The following LARGE1 variants were observed in gnomAD, a reference collection of about 807,000 sequenced individuals.
The protein encoded by LARGE1 is LARGE xylosyl- and glucuronyltransferase 1.
In LARGE1, 43 loss-of-function variants were observed where a neutral mutation model predicts 87.6. That is an observed-to-expected ratio of 0.49 (90% CI 0.38 to 0.63). LARGE1 has a LOEUF of 0.63. LARGE1 is among the 30% of genes least tolerant of loss of function. LARGE1 has a pLI of 0.00. For missense variants in LARGE1, 802 were observed against 1,000.2 expected (o/e 0.80, Z 2.67); for synonymous variants, 434 against 394.6 (o/e 1.10, Z -1.18).
At chr22:33,176,249 G>C (rs1922863237) in intron 11 of LARGE1, among the ~76,000 whole-genome samples, 1 of 152,152 alleles carries the variant, frequency 6.6e-6, no homozygotes. Flanking sequence ...CATGGGCAAA[G>C]ACTTCATGAC....
intron 11 of LARGE1, among the ~76,000 whole-genome samples, chr22:33,212,255 T>C (rs1925000933): frequency 6.6e-6 from 1 of 152,152 alleles, no homozygotes; most frequent in African/African-American, 2.4e-5. Flanking sequence ...GAGGGGCTAA[T>C]GTAGGTGGTG....
chr22:33,089,365 T>TC, the LARGE1 span, among the ~76,000 whole-genome samples: 2 of 59,874 alleles, frequency 3.3e-5, no homozygotes, highest in African/African-American at 1.6e-4. Context: ...TTCTTCTTCT[T>TC]CTTCTCCTTC....
intron 6 of LARGE1, among the ~76,000 whole-genome samples, chr22:33,553,694 G>A (rs914987220): frequency 6.6e-6 from 1 of 152,146 alleles, no homozygotes; most frequent in African/African-American, 2.4e-5. Context: ...GGAAACAGAG[G>A]TTTAGAGTTG....
intron 5 of LARGE1, among the ~76,000 whole-genome samples, chr22:33,575,148 C>T (rs931549234): frequency 2.0e-5 from 3 of 152,130 alleles, no homozygotes; most frequent in African/African-American, 4.8e-5. Flanking sequence ...ATAGATTACC[C>T]TCTAAGAAAC....
chr22:33,442,981 A>G (rs1386790609), intron 6 of LARGE1, among the ~76,000 whole-genome samples: 1 of 151,922 alleles, frequency 6.6e-6, no homozygotes, highest in Non-Finnish European at 1.5e-5. Context: ...TTTAGTAGAG[A>G]CAGGTTTTCA....
intron 9 of LARGE1, among the ~76,000 whole-genome samples, chr22:33,381,145 A>C (rs990164647): frequency 1.3e-5 from 2 of 152,230 alleles, no homozygotes; most frequent in Non-Finnish European, 1.5e-5. Flanking sequence ...AAGTTGCCCC[A>C]GTCACCAGCT....
At chr22:33,138,511 T>C in the LARGE1 span, among the ~76,000 whole-genome samples, 1 of 151,954 alleles carries the variant, frequency 6.6e-6, no homozygotes, top group African/African-American at 2.4e-5. Flanking sequence ...TGGGGCAATC[T>C]CAGCTCACTG....
intron 1 of LARGE1, among the ~76,000 whole-genome samples, chr22:33,868,006 C>T (rs2064158101): frequency 6.6e-6 from 1 of 152,188 alleles, no homozygotes; most frequent in African/African-American, 2.4e-5. Context: ...AAGCAGCCTA[C>T]CCTGTAATCT....
intron 2 of LARGE1, among the ~76,000 whole-genome samples, chr22:33,730,877 T>G (rs1358873646): frequency 3.3e-5 from 5 of 152,032 alleles, no homozygotes; most frequent in African/African-American, 1.2e-4. Flanking sequence ...CTGTATTTAG[T>G]AGAGACAGGA....
chr22:33,193,749 C>G (rs1455304932), intron 11 of LARGE1, among the ~76,000 whole-genome samples: 1 of 151,896 alleles, frequency 6.6e-6, no homozygotes, highest in Non-Finnish European at 1.5e-5. Context: ...ACCCGGAAGG[C>G]AGAGGTTACA....
the LARGE1 span, among the ~76,000 whole-genome samples, chr22:33,134,149 C>T: frequency 2.0e-5 from 3 of 152,062 alleles, no homozygotes; most frequent in African/African-American, 7.2e-5. Context: ...AACCAGCAAA[C>T]CAAATTTGAA....
At chr22:33,438,575 C>T (rs529233294) in intron 6 of LARGE1, among the ~76,000 whole-genome samples, 19 of 152,294 alleles carry the variant, frequency 1.2e-4, no homozygotes, top group Admixed American at 8.5e-4. Flanking sequence ...GATGGCTCTA[C>T]GCAGGGAACT....
chr22:33,631,773 T>C (rs958093351), intron 3 of LARGE1, among the ~76,000 whole-genome samples: 2 of 152,258 alleles, frequency 1.3e-5, no homozygotes, highest in African/African-American at 4.8e-5. Context: ...TCTAGTATTA[T>C]TATGTACTGT....
intron 9 of LARGE1, among the ~76,000 whole-genome samples, chr22:33,378,432 ACTTTATGTGAGGC>A (rs1452040728): frequency 1.3e-5 from 2 of 152,060 alleles, no homozygotes; most frequent in Non-Finnish European, 2.9e-5. Context: ...GTGGATCCTG[ACTTTATGTGAGGC>A]CTTTATGTGA....
chr22:33,387,529 G>GC (rs933721693), intron 7 of LARGE1, among the ~76,000 whole-genome samples: 1 of 145,526 alleles, frequency 6.9e-6, no homozygotes, highest in Non-Finnish European at 1.5e-5. Context: ...AAAAAATGGG[G>GC]GGGGGGATGG....
At chr22:33,775,684 T>C (rs1452947917) in intron 1 of LARGE1, among the ~76,000 whole-genome samples, 1 of 152,046 alleles carries the variant, frequency 6.6e-6, no homozygotes, top group African/African-American at 2.4e-5. Flanking sequence ...AAACCCCATC[T>C]CTACTAAAAA....
intron 1 of LARGE1, among the ~76,000 whole-genome samples, chr22:33,814,922 AAAC>A (rs1288918204): frequency 1.3e-5 from 2 of 152,218 alleles, no homozygotes; most frequent in Non-Finnish European, 2.9e-5. Flanking sequence ...GCCTGCAGCG[AAAC>A]AACATGTGCA....
intron 11 of LARGE1, among the ~76,000 whole-genome samples, chr22:33,307,435 T>C (rs923487289): frequency 2.6e-5 from 4 of 152,196 alleles, no homozygotes; most frequent in African/African-American, 9.7e-5. Context: ...CTTCATTGTC[T>C]GTTTCCCCAA....
chr22:33,786,811 G>A (rs1472545304), intron 1 of LARGE1, among the ~76,000 whole-genome samples: 1 of 152,166 alleles, frequency 6.6e-6, no homozygotes, highest in African/African-American at 2.4e-5. Flanking sequence ...CACCAGGTCA[G>A]GAGTTCGAGA....
Sources: allele counts gnomAD v4.1 joint callset (sites outside exome capture counted in the v4.1 genomes callset), GRCh38; gene constraint gnomAD v4.1.1; transcripts MANE v1.5; gene names NCBI Gene and HGNC (gene_info 2026-07-23, HGNC 2026-07-21).